TEKTIP1: variants seen among roughly 807,000 people sequenced by gnomAD.
The protein encoded by TEKTIP1 is tektin bundle interacting protein 1, also known as tektin bundle-interacting protein 1.
At chr19:3,543,976 G>T in the TEKTIP1 span, 16 of 1,548,622 alleles carry the variant, frequency 1.0e-5, no homozygotes, top group African/African-American at 2.7e-5. Flanking sequence ...ACCTGCCAGC[G>T]GTCCCCGCCT....
At chr19:3,541,612 C>T in the TEKTIP1 span, 1 of 983,590 alleles carries the variant, frequency 1.0e-6, no homozygotes, top group African/African-American at 1.8e-5. Flanking sequence ...TGAGCCACCG[C>T]ACCCAGTGCA....
the TEKTIP1 span, chr19:3,539,284 CCCCTCCCAGCCCCTCCCT>C: frequency 2.2e-6 from 3 of 1,377,392 alleles, no homozygotes; most frequent in East Asian, 7.5e-5. Flanking sequence ...TACAGGTGAG[CCCCTCCCAGCCCCTCCCT>C]CCCTCCCTCC....
At chr19:3,543,467 C>A in the TEKTIP1 span, 1 of 1,532,930 alleles carries the variant, frequency 6.5e-7, no homozygotes, top group African/African-American at 1.4e-5. Context: ...GTGCAGCATG[C>A]CATCGGGTGA....
chr19:3,543,783 A>C, the TEKTIP1 span: 1 of 1,492,668 alleles, frequency 6.7e-7, no homozygotes, highest in South Asian at 1.3e-5. Context: ...TTGCTGGCCA[A>C]CGGCGAGGAG....
chr19:3,543,748 C>T, the TEKTIP1 span: 7 of 1,488,654 alleles, frequency 4.7e-6, no homozygotes, highest in East Asian at 1.7e-4. Flanking sequence ...CAGGGTGAAA[C>T]TGCCCGGGGC....
At chr19:3,543,579 CCGCCT>C in the TEKTIP1 span, 1 of 1,542,174 alleles carries the variant, frequency 6.5e-7, no homozygotes, top group Non-Finnish European at 8.7e-7. Flanking sequence ...CTGCGGGAGA[CCGCCT>C]GGCATGACCC....
At chr19:3,539,249 A>G in the TEKTIP1 span, 1 of 1,548,980 alleles carries the variant, frequency 6.5e-7, no homozygotes. Context: ...GCTTCCCAGC[A>G]CCGCTGTACA....
At chr19:3,540,726 A>G in the TEKTIP1 span, among the ~76,000 whole-genome samples, 6 of 151,700 alleles carry the variant, frequency 4.0e-5, no homozygotes, top group Non-Finnish European at 8.8e-5. Flanking sequence ...CTAAAAATAC[A>G]AAATTAGCCG....
the TEKTIP1 span, chr19:3,543,758 C>T: frequency 5.7e-5 from 85 of 1,489,670 alleles, no homozygotes; most frequent in Middle Eastern, 2.2e-4. Context: ...CTGCCCGGGG[C>T]GATCCAGGAG....
chr19:3,543,116 G>A, the TEKTIP1 span: 45 of 1,523,230 alleles, frequency 3.0e-5, no homozygotes, highest in Non-Finnish European at 3.2e-5. Flanking sequence ...AGTGGCGAGG[G>A]AGGGAGACCC....
the TEKTIP1 span, chr19:3,543,483 C>CCA: frequency 7.3e-6 from 11 of 1,500,572 alleles, no homozygotes; most frequent in Non-Finnish European, 9.8e-6. Flanking sequence ...GGTGAGTGCC[C>CCA]CCCCCCCCGC....
chr19:3,540,475 C>T, the TEKTIP1 span, among the ~76,000 whole-genome samples: 2 of 149,728 alleles, frequency 1.3e-5, no homozygotes, highest in Non-Finnish European at 3.0e-5. Context: ...CCAGGATGGT[C>T]TCGATCTCCT....
chr19:3,542,955 C>A, the TEKTIP1 span: 1 of 1,517,004 alleles, frequency 6.6e-7, no homozygotes, highest in South Asian at 1.1e-5. Flanking sequence ...CCTCTCCCCT[C>A]CCTCTTCTCC....
chr19:3,539,205 C>A, the TEKTIP1 span: 4 of 1,549,600 alleles, frequency 2.6e-6, no homozygotes, highest in Middle Eastern at 3.4e-4. Context: ...AGAGGCTGCA[C>A]GGCCCTGTAT....
chr19:3,542,484 T>C, the TEKTIP1 span: 2 of 984,410 alleles, frequency 2.0e-6, no homozygotes, highest in Non-Finnish European at 2.4e-6. Context: ...TCTTGTCTTT[T>C]TGTTTTTGAG....
chr19:3,540,163 G>C, the TEKTIP1 span: 1 of 140,906 alleles, frequency 7.1e-6, no homozygotes, highest in East Asian at 2.1e-4. Context: ...GCGCAATCTT[G>C]GCTCACTGCA....
chr19:3,543,978 T>C, the TEKTIP1 span: 2 of 1,546,716 alleles, frequency 1.3e-6, no homozygotes, highest in African/African-American at 1.4e-5. Context: ...CTGCCAGCGG[T>C]CCCCGCCTTC....
the TEKTIP1 span, chr19:3,541,653 A>G: frequency 1.0e-6 from 1 of 985,080 alleles, no homozygotes; most frequent in Admixed American, 6.2e-5. Flanking sequence ...AAAAAAATGG[A>G]GATGCAGTGA....
the TEKTIP1 span, chr19:3,539,511 A>G: frequency 9.1e-4 from 461 of 504,858 alleles, no homozygotes; most frequent in Middle Eastern, 2.1e-3. Flanking sequence ...CTGCAAACGC[A>G]CTGGGAGCTT....
Sources: allele counts gnomAD v4.1 joint callset (sites outside exome capture counted in the v4.1 genomes callset), GRCh38; gene constraint gnomAD v4.1.1; transcripts MANE v1.5; gene names NCBI Gene and HGNC (gene_info 2026-07-23, HGNC 2026-07-21).